N4BP2: variants seen among roughly 807,000 people sequenced by gnomAD.
N4BP2 encodes the protein NEDD4-binding protein 2.
A neutral mutation model predicts 152.8 loss-of-function variants in N4BP2; 91 were observed. That is an observed-to-expected ratio of 0.60 (90% CI 0.50 to 0.71). The LOEUF is 0.71. N4BP2 is among the 30% of genes least tolerant of loss of function. The pLI, the probability that N4BP2 is intolerant of heterozygous loss-of-function variation, is 0.00. For missense variants in N4BP2, 1,923 were observed against 2,059.1 expected, an observed-to-expected ratio of 0.93 and a Z score of 1.28; for synonymous variants, 646 against 705.3, an observed-to-expected ratio of 0.92 and a Z score of 1.33.
At chr4:40,093,854 C>T (rs1714863084) in intron 2 of N4BP2, among the ~76,000 whole-genome samples, 1 of 152,132 alleles carries the variant, frequency 6.6e-6, no homozygotes, top group South Asian at 2.1e-4. Flanking sequence ...CCCACCTCGG[C>T]CTCCCAAAGT....
chr4:40,062,134 A>G (rs1424626838), intron 1 of N4BP2, among the ~76,000 whole-genome samples: 1 of 138,446 alleles, frequency 7.2e-6, no homozygotes, highest in East Asian at 2.1e-4. Flanking sequence ...GTGGGAGTGC[A>G]GTGGTGCGAT....
chr4:40,124,873 T>G (rs1718252629), intron 11 of N4BP2, among the ~76,000 whole-genome samples: 1 of 152,220 alleles, frequency 6.6e-6, no homozygotes, highest in Non-Finnish European at 1.5e-5. Flanking sequence ...GAAATATTAC[T>G]TGGTTATTCA....
chr4:40,110,804 C>G (rs965260444), intron 5 of N4BP2, among the ~76,000 whole-genome samples: 1 of 152,198 alleles, frequency 6.6e-6, no homozygotes, highest in Admixed American at 6.5e-5. Context: ...TCCCAAAGTG[C>G]TGAGATCATA....
At chr4:40,065,966 C>G (rs926126760) in intron 1 of N4BP2, among the ~76,000 whole-genome samples, 1 of 151,686 alleles carries the variant, frequency 6.6e-6, no homozygotes, top group Non-Finnish European at 1.5e-5. Flanking sequence ...GAGTCTAGAT[C>G]TGTCGACAGG....
intron 1 of N4BP2, among the ~76,000 whole-genome samples, chr4:40,065,657 A>G (rs1282319486): frequency 2.0e-5 from 3 of 152,340 alleles, no homozygotes; most frequent in East Asian, 3.9e-4. Context: ...CTGAAACCGT[A>G]TAGGAAATAA....
At chr4:40,071,747 G>C (rs897683774) in intron 1 of N4BP2, among the ~76,000 whole-genome samples, 1 of 151,838 alleles carries the variant, frequency 6.6e-6, no homozygotes. Flanking sequence ...TGTATTTTTA[G>C]TAGAGACGAA....
the N4BP2 span, among the ~76,000 whole-genome samples, chr4:40,173,119 C>T: frequency 6.6e-6 from 1 of 152,090 alleles, no homozygotes; most frequent in African/African-American, 2.4e-5. Context: ...CTATCACCAT[C>T]AGTAGAGGAC....
At chr4:40,123,040 T>G (rs956463843) in intron 9 of N4BP2, 87 bp from the exon 10 acceptor site, 2 of 734,502 alleles carry the variant, frequency 2.7e-6, no homozygotes, top group African/African-American at 3.6e-5. Flanking sequence ...AAGTTAGTTT[T>G]GTGATGCATA....
intron 1 of N4BP2, among the ~76,000 whole-genome samples, chr4:40,064,420 G>A (rs536679394): frequency 2.6e-5 from 4 of 151,840 alleles, no homozygotes; most frequent in Non-Finnish European, 4.4e-5. Context: ...GACTGTAAGC[G>A]CGCACCACCA....
chr4:40,150,122 A>G (rs754842774), intron 16 of N4BP2, among the ~76,000 whole-genome samples: 26 of 152,166 alleles, frequency 1.7e-4, no homozygotes, highest in Non-Finnish European at 2.8e-4. Flanking sequence ...TCTGACCTGC[A>G]TTGCCTTTTG....
At chr4:40,175,701 G>A in the N4BP2 span, among the ~76,000 whole-genome samples, 3 of 151,600 alleles carry the variant, frequency 2.0e-5, no homozygotes, top group South Asian at 6.3e-4. Context: ...CCAGCCACTC[G>A]GGAGGCTGAG....
At chr4:40,115,109 C>T (rs991113353) in intron 7 of N4BP2, among the ~76,000 whole-genome samples, 1 of 152,108 alleles carries the variant, frequency 6.6e-6, no homozygotes, top group Non-Finnish European at 1.5e-5. Flanking sequence ...TTATTGCTTT[C>T]AAAAATCAAT....
At position 40,102,556 on chromosome 4, in the gene N4BP2, T is replaced by C; in HGVS notation, c.711T>C (p.Ser237=). Residue 237 remains serine (S), a synonymous_variant, in exon 4 of 18, where the codon AGT becomes AGC. Coordinates refer to ENST00000261435, the MANE Select transcript of N4BP2 (RefSeq NM_018177.6). ...AGGATAACACATTGGCTTTGGAAAGTAACTACCCGGAAGATTCTCTTCTCA... is the reference window on the plus strand; with the variant it reads ...AGGATAACACATTGGCTTTGGAAAGCAACTACCCGGAAGATTCTCTTCTCA... ...FIKDNTLALE[S]NYPEDSLLSS... The C allele has an allele frequency of 6.2e-7, 1 of 1,614,230 alleles. No individual in the cohort carries two copies. Among genetic ancestry groups the C allele is most frequent in the East Asian group, 2.2e-5 (1 of 44,894 alleles).
chr4:40,097,613 A>C (rs1437325060), intron 3 of N4BP2, 44 bp downstream of exon 3: 1 of 1,094,818 alleles, frequency 9.1e-7, no homozygotes, highest in Non-Finnish European at 1.4e-6. Flanking sequence ...TTATAAGAAG[A>C]CTTTGTGTAC....
chr4:40,059,884 A>G (rs192363358), intron 1 of N4BP2, among the ~76,000 whole-genome samples: 13 of 152,302 alleles, frequency 8.5e-5, no homozygotes, highest in African/African-American at 3.1e-4. Context: ...ACAGAGACTG[A>G]GAAGTATTAA....
In N4BP2 at chr4:40,122,232, ACTGTCTGGAATTGGCATTACCCC is replaced by A; in HGVS notation, c.4125_4147del (p.Cys1375Ter). 1 of 1,611,636 alleles carries A rather than the reference ACTGTCTGGAATTGGCATTACCCC, an allele frequency of 6.2e-7. No individual in the cohort carries two copies. Among genetic ancestry groups the A allele is most frequent in the Non-Finnish European group, 8.5e-7 (1 of 1,178,510 alleles). ...GCGATGGCCAAATCTCTGACCATAG[ACTGTCTGGAATTGGCATTACCCC>A]CTGAACTGGCTTTTCAACTTAATGA... On this transcript the variant is annotated frameshift_variant, in exon 9 of 18. Coordinates refer to ENST00000261435, the MANE Select transcript of N4BP2 (RefSeq NM_018177.6). LOFTEE classifies it high-confidence loss of function.
At chr4:40,137,747 G>T (rs536833490) in intron 14 of N4BP2, among the ~76,000 whole-genome samples, 17 of 152,206 alleles carry the variant, frequency 1.1e-4, no homozygotes, top group Non-Finnish European at 2.1e-4. Flanking sequence ...GGGGGGAAAT[G>T]TGGGCAAAAG....
At chr4:40,104,322 G>T (rs2109966182) in intron 4 of N4BP2, among the ~76,000 whole-genome samples, 1 of 150,946 alleles carries the variant, frequency 6.6e-6, no homozygotes, top group East Asian at 1.9e-4. Context: ...TATCAGTTGG[G>T]TCTCTATTTG....
At position 40,117,906 on chromosome 4, in the gene N4BP2, A is replaced by G. The variant is rs1176611289; in HGVS notation, c.1702A>G (p.Arg568Gly). 6.2e-7 allele frequency: 1 copy of G among 1,611,424 alleles called. No homozygotes were observed. The highest frequency in any genetic ancestry group is 2.2e-5 in the East Asian group (1 of 44,740). Residue 568 changes from arginine to glycine, a missense_variant, in exon 8 of 18, where the codon AGA (arginine) becomes GGA (glycine). Physicochemically the swap from Arg to Gly is moderately radical, Grantham distance 125. Transcript: ENST00000261435. Reference sequence around the variant, plus strand: ...TGGGGTAAGCAAAGAAAAAATAACAAGAATGTTGGAACATTATCAACGTTT... The same window carrying G: ...TGGGGTAAGCAAAGAAAAAATAACAGGAATGTTGGAACATTATCAACGTTT... ...IHGVSKEKIT[R>G]MLEHYQRFVS...
Sources: gnomAD v4.1 joint callset for allele counts (sites outside exome capture counted in the v4.1 genomes callset) on GRCh38, gnomAD v4.1.1 for gene constraint, MANE v1.5 for transcripts, NCBI Gene and HGNC (gene_info 2026-07-23, HGNC 2026-07-21) for gene names.